Variants in KPNA1 observed in about 807,000 individuals in gnomAD.
The protein encoded by KPNA1 is karyopherin subunit alpha 1.
In KPNA1, 10 loss-of-function variants were observed where a neutral mutation model predicts 70.5. The observed-to-expected ratio is 0.14, with a 90% CI of 0.09 to 0.24. The LOEUF (loss-of-function observed/expected upper bound fraction) is 0.24. Ranked by LOEUF, KPNA1 falls within the 10% of genes least tolerant of loss-of-function variation. The probability of loss-of-function intolerance (pLI) is 1.00; values close to 1 mark genes in which losing one functional copy is unlikely to be tolerated. For missense variants in KPNA1, 397 were observed against 637.9 expected, an observed-to-expected ratio of 0.62 and a Z score of 4.07; for synonymous variants, 192 against 221.9, an observed-to-expected ratio of 0.87 and a Z score of 1.20.
At chr3:122,493,170 C>T (rs908289878) in intron 2 of KPNA1, among the ~76,000 whole-genome samples, 6 of 152,190 alleles carry the variant, frequency 3.9e-5, no homozygotes, top group African/African-American at 1.4e-4. Flanking sequence ...GCTCTATTCA[C>T]AACAGGATTA....
At chr3:122,496,022 ATTCT>A (rs2107498206) in intron 2 of KPNA1, among the ~76,000 whole-genome samples, 1 of 152,334 alleles carries the variant, frequency 6.6e-6, no homozygotes, top group East Asian at 1.9e-4. Flanking sequence ...TATGAGGTTT[ATTCT>A]TTCTTTTTGT....
At position 122,437,292 on chromosome 3, in the gene KPNA1, T is replaced by C. The variant is rs1317026712; in HGVS notation, c.1000A>G (p.Ile334Val). 5 of 1,596,524 alleles carry C rather than the reference T, an allele frequency of 3.1e-6. No individual in the cohort carries two copies. In the South Asian group the frequency reaches 5.8e-5, roughly 18 times the overall value. ...VTGDDIQTQVILNCSALQSLL... is the reference protein window; with the variant it reads ...VTGDDIQTQVVLNCSALQSLL... ...CTCTGCAGAGCTGAGCAATTCAGAATTACCTAAAAGAAAAAGTTTGAAAAT... is the reference window on the plus strand; with the variant it reads ...CTCTGCAGAGCTGAGCAATTCAGAACTACCTAAAAGAAAAAGTTTGAAAAT... Residue 334 changes from isoleucine to valine, a missense_variant, in exon 11 of 14, where the codon ATT (isoleucine) becomes GTT (valine). Coordinates refer to ENST00000344337, the MANE Select transcript of KPNA1 (RefSeq NM_002264.4).
chr3:122,499,264 T>C (rs377643798), intron 1 of KPNA1, among the ~76,000 whole-genome samples: 7 of 152,366 alleles, frequency 4.6e-5, no homozygotes, highest in East Asian at 3.9e-4. Flanking sequence ...TGTCTTATGC[T>C]AGACCTTAGA....
At chr3:122,437,885 G>C in intron 10 of KPNA1, among the ~76,000 whole-genome samples, 1 of 152,228 alleles carries the variant, frequency 6.6e-6, no homozygotes, top group East Asian at 1.9e-4. Flanking sequence ...TCACTAAACA[G>C]AGAACAGAGA....
intron 3 of KPNA1, among the ~76,000 whole-genome samples, chr3:122,464,432 G>A (rs774482532): frequency 4.6e-5 from 7 of 152,076 alleles, no homozygotes; most frequent in South Asian, 2.1e-4. Context: ...TATTTCAATC[G>A]TATGCCCCAG....
At chr3:122,512,637 A>G (rs1022388063) in intron 1 of KPNA1, among the ~76,000 whole-genome samples, 2 of 152,164 alleles carry the variant, frequency 1.3e-5, no homozygotes, top group African/African-American at 4.8e-5. Context: ...AGGCAGGAGA[A>G]CTGCTTGAAC....
At position 122,468,651 on chromosome 3, in the gene KPNA1, T is replaced by C. The variant is rs74842811; in HGVS notation, c.130-1222A>G. Among the ~76,000 whole-genome samples the C allele has an allele frequency of 2.8e-3, 430 of 152,308 alleles. 1 individual carries two copies. Among genetic ancestry groups the C allele is most frequent in the African/African-American group, 9.8e-3 (408 of 41,568 alleles). On this transcript the variant is annotated intron_variant, in intron 2 of 13. Coordinates refer to ENST00000344337, the MANE Select transcript of KPNA1 (RefSeq NM_002264.4). ...TCAGCCACGGCAGTGATGTTGAGAT[T>C]ATCGGACCAAGAATTTAAAACTACG...
At chr3:122,483,548 T>C (rs897481539) in intron 2 of KPNA1, among the ~76,000 whole-genome samples, 7 of 152,170 alleles carry the variant, frequency 4.6e-5, no homozygotes, top group Non-Finnish European at 4.4e-5. Context: ...CTTCAACATA[T>C]TGGCCAGGCT....
chr3:122,453,752 G>A, intron 6 of KPNA1, 118 bp downstream of exon 6: 1 of 878,782 alleles, frequency 1.1e-6, no homozygotes, highest in Non-Finnish European at 1.7e-6. Context: ...GGCTAGGCTG[G>A]TCTCGAACTC....
intron 1 of KPNA1, among the ~76,000 whole-genome samples, chr3:122,505,932 T>C (rs2076885566): frequency 6.6e-6 from 1 of 152,220 alleles, no homozygotes; most frequent in Non-Finnish European, 1.5e-5. Flanking sequence ...AGCCCTCAGA[T>C]TAATCTCAAC....
intron 12 of KPNA1, among the ~76,000 whole-genome samples, chr3:122,429,787 A>G (rs575167983): frequency 4.6e-5 from 7 of 152,328 alleles, no homozygotes; most frequent in South Asian, 2.1e-4. Flanking sequence ...GACATTATCA[A>G]CTTACTATAA....
chr3:122,477,991 G>A (rs535187797), intron 2 of KPNA1, among the ~76,000 whole-genome samples: 16 of 150,780 alleles, frequency 1.1e-4, no homozygotes, highest in East Asian at 4.0e-4. Flanking sequence ...GTGAAACCCC[G>A]TCTCTAATAA....
At chr3:122,449,787 A>C (rs763909856) in intron 8 of KPNA1, 50 bp from the exon 9 acceptor site, 1 of 1,512,378 alleles carries the variant, frequency 6.6e-7, no homozygotes. Context: ...AAAAGCCAGA[A>C]GTGAGGTGAG....
At chr3:122,497,658 C>G (rs1168770404) in intron 1 of KPNA1, among the ~76,000 whole-genome samples, 1 of 151,992 alleles carries the variant, frequency 6.6e-6, no homozygotes, top group East Asian at 1.9e-4. Flanking sequence ...GTTTGCAATC[C>G]CCTGATGACT....
chr3:122,427,510 A>G lies in KPNA1; in HGVS notation c.1429+28T>C, dbSNP rs375460234. ...TCTATGACCCAATTCATTCTTGGCC[A>G]TAAACTTCTTCAACCAAAGCATCTT... is the stretch of plus-strand genomic sequence containing the variant. On this transcript the variant is annotated intron_variant, in intron 13 of 13. Transcript: ENST00000344337. 9.1e-4 allele frequency: 1,451 copies of G among 1,598,722 alleles called. 13 individuals are homozygous for G. In the South Asian group the frequency reaches 0.01, roughly 11 times the overall value.
chr3:122,466,896 G>C (rs2107749588), intron 3 of KPNA1, among the ~76,000 whole-genome samples: 1 of 152,044 alleles, frequency 6.6e-6, no homozygotes, highest in East Asian at 1.9e-4. Flanking sequence ...AGCTATTTGG[G>C]AGGCTAAAGC....
At chr3:122,441,550 A>C (rs1399387313) in intron 10 of KPNA1, among the ~76,000 whole-genome samples, 1 of 152,192 alleles carries the variant, frequency 6.6e-6, no homozygotes, top group Non-Finnish European at 1.5e-5. Flanking sequence ...TACTACAAGC[A>C]ACAGGTCAAG....
At chr3:122,486,919 T>C (rs1355832776) in intron 2 of KPNA1, among the ~76,000 whole-genome samples, 2 of 152,208 alleles carry the variant, frequency 1.3e-5, no homozygotes, top group African/African-American at 4.8e-5. Context: ...CTTTGGAGGA[T>C]GCTAAGAAAC....
At position 122,426,705 on chromosome 3, in the gene KPNA1, A is replaced by C. The variant is rs967800669; in HGVS notation, c.*280T>G. 3 of 318,424 alleles carry C rather than the reference A, an allele frequency of 9.4e-6. No individual in the cohort carries two copies. Among genetic ancestry groups the C allele is most frequent in the African/African-American group, 6.4e-5 (3 of 47,018 alleles). The allele number at this position is 318,424 out of a possible 1,614,324, so 19.7% of individuals were successfully genotyped here. A position where few individuals can be genotyped will look rare whatever the true frequency, so the allele number is the denominator to read the frequency against. Reference sequence around the variant, plus strand: ...GCCACATTAATATGTGTATATTCCCATAACTCTAATGTAAGTGCGGATCTC... The same window carrying C: ...GCCACATTAATATGTGTATATTCCCCTAACTCTAATGTAAGTGCGGATCTC... On this transcript the variant is annotated 3_prime_UTR_variant, in exon 14 of 14. Transcript: ENST00000344337.
Sources: allele counts gnomAD v4.1 joint callset (sites outside exome capture counted in the v4.1 genomes callset), GRCh38; gene constraint gnomAD v4.1.1; transcripts MANE v1.5; gene names NCBI Gene and HGNC (gene_info 2026-07-23, HGNC 2026-07-21).